TOX3: variants seen among roughly 807,000 people sequenced by gnomAD.
TOX3 encodes TOX high mobility group box family member 3, also known as CAG trinucleotide repeat-containing gene F9 protein.
Under a neutral mutation model 64.3 loss-of-function variants are expected in TOX3, and 22 were observed. That is an observed-to-expected ratio of 0.34 (90% CI 0.24 to 0.49). TOX3 has a LOEUF of 0.49. TOX3 is among the 20% of genes least tolerant of loss of function. The probability of loss-of-function intolerance (pLI) is 0.99; values close to 1 mark genes in which losing one functional copy is unlikely to be tolerated. For synonymous variants in TOX3, 291 were observed against 273.6 expected (o/e 1.06, Z -0.63); for missense variants, 661 against 714.4 (o/e 0.93, Z 0.85).
chr16:52,490,309 A>G (rs979883865), intron 1 of TOX3, among the ~76,000 whole-genome samples: 1 of 152,080 alleles, frequency 6.6e-6, no homozygotes, highest in Non-Finnish European at 1.5e-5. Flanking sequence ...CCTCCCAGTC[A>G]TGCTTCCTGT....
At chr16:52,490,722 T>C (rs983431914) in intron 1 of TOX3, among the ~76,000 whole-genome samples, 5 of 148,656 alleles carry the variant, frequency 3.4e-5, no homozygotes, top group African/African-American at 1.2e-4. Flanking sequence ...CTTAGCTTCC[T>C]GGACTCAACC....
intron 1 of TOX3, among the ~76,000 whole-genome samples, chr16:52,499,787 G>C (rs1478497861): frequency 6.6e-6 from 1 of 152,206 alleles, no homozygotes. Flanking sequence ...GCAGGCAGAG[G>C]GTGAACACAG....
At chr16:52,533,010 G>A (rs554136066) in intron 1 of TOX3, among the ~76,000 whole-genome samples, 1 of 152,318 alleles carries the variant, frequency 6.6e-6, no homozygotes, top group African/African-American at 2.4e-5. Flanking sequence ...AGAAGAGTGA[G>A]AAGACAGTGT....
At chr16:52,487,035 TA>T (rs1248634358) in intron 1 of TOX3, among the ~76,000 whole-genome samples, 1 of 152,172 alleles carries the variant, frequency 6.6e-6, no homozygotes, top group Non-Finnish European at 1.5e-5. Context: ...ATTATGCCCC[TA>T]GCATATAAAT....
At chr16:52,521,899 C>A (rs1169307861) in intron 1 of TOX3, among the ~76,000 whole-genome samples, 1 of 152,216 alleles carries the variant, frequency 6.6e-6, no homozygotes, top group Non-Finnish European at 1.5e-5. Context: ...GGGTAACGAG[C>A]ACAGTCTCTG....
intron 1 of TOX3, among the ~76,000 whole-genome samples, chr16:52,527,709 A>C (rs1962755243): frequency 1.3e-5 from 2 of 152,178 alleles, no homozygotes; most frequent in African/African-American, 4.8e-5. Context: ...ACAATGATGG[A>C]GGCTCCTTTT....
chr16:52,511,225 G>C (rs957856663), intron 1 of TOX3, among the ~76,000 whole-genome samples: 1 of 152,174 alleles, frequency 6.6e-6, no homozygotes, highest in East Asian at 1.9e-4. Flanking sequence ...TGGGCACGGT[G>C]ACTCATGCCT....
In TOX3 at chr16:52,535,625, G is replaced by A. The variant is rs34750829; in HGVS notation, c.87+11012C>T. Among the ~76,000 whole-genome samples, 1,021 of 152,280 alleles carry A rather than the reference G, an allele frequency of 6.7e-3. 8 individuals are homozygous for A. Among genetic ancestry groups the A allele is most frequent in the Non-Finnish European group, 0.01 (703 of 68,030 alleles). On this transcript the variant is annotated intron_variant, in intron 1 of 6. Coordinates refer to ENST00000219746, the MANE Select transcript of TOX3 (RefSeq NM_001080430.4). ...CTTCATTTAAGACGTTGCTGTTCAA[G>A]ATTTTTTCTATTACATGTAAGTTGA...
intron 1 of TOX3, among the ~76,000 whole-genome samples, chr16:52,489,914 T>G (rs1961629688): frequency 6.6e-6 from 1 of 152,202 alleles, no homozygotes; most frequent in African/African-American, 2.4e-5. Context: ...ATCTTTCTAA[T>G]GGTACCAGCA....
intron 3 of TOX3, among the ~76,000 whole-genome samples, chr16:52,456,197 A>G (rs531577062): frequency 1.3e-5 from 2 of 152,338 alleles, no homozygotes; most frequent in East Asian, 3.9e-4. Context: ...AAAGCATGGT[A>G]TATATCTGGT....
At chr16:52,498,107 C>T (rs996354725) in intron 1 of TOX3, among the ~76,000 whole-genome samples, 28 of 152,268 alleles carry the variant, frequency 1.8e-4, no homozygotes, top group African/African-American at 6.5e-4. Flanking sequence ...ATTTCTACCC[C>T]GCCAGCTGCT....
chr16:52,483,170 C>T (rs1208046186), intron 1 of TOX3, among the ~76,000 whole-genome samples: 1 of 152,140 alleles, frequency 6.6e-6, no homozygotes, highest in Non-Finnish European at 1.5e-5. Context: ...AACAACGACG[C>T]ACATCACCCA....
rs67145443 is a variant in TOX3 at position 52,437,789 on chromosome 16, T to TAAAAAAAAAAAAAAAAAAAAAAAAAA, written c.*1435_*1436insTTTTTTTTTTTTTTTTTTTTTTTTTT. Among the ~76,000 whole-genome samples, 1 of 111,368 alleles carries TAAAAAAAAAAAAAAAAAAAAAAAAAA rather than the reference T, an allele frequency of 9.0e-6. No homozygotes were observed. Among genetic ancestry groups the TAAAAAAAAAAAAAAAAAAAAAAAAAA allele is most frequent in the Non-Finnish European group, 1.8e-5 (1 of 54,784 alleles). 73.1% of individuals were successfully genotyped at this position (111,368 alleles called of 152,430 possible). A position where few individuals can be genotyped will look rare whatever the true frequency, so the allele number is the denominator to read the frequency against. The stretch of plus-strand genomic sequence containing the variant: ...CTATACTTACCTTGTACTTGCATCT[T>TAAAAAAAAAAAAAAAAAAAAAAAAAA]AAAAAAAAAAAAAAAAAAAAAAAAG... On this transcript the variant is annotated 3_prime_UTR_variant, in exon 7 of 7. Transcript: ENST00000219746.
At position 52,496,053 on chromosome 16, in the gene TOX3, C is replaced by T. The variant is rs575091041; in HGVS notation, c.88-27479G>A. 3.0e-4 allele frequency among the ~76,000 whole-genome samples: 45 copies of T among 152,238 alleles called. No homozygotes were observed. The South Asian group carries it at 6.4e-3, about 22-fold the overall frequency. Reference sequence around the variant, plus strand: ...ATCAGTTTCTCTCATTCTTTCCTAACTAAAGACTTAAAAGCCAAATAAAAT... The same window carrying T: ...ATCAGTTTCTCTCATTCTTTCCTAATTAAAGACTTAAAAGCCAAATAAAAT... On this transcript the variant is annotated intron_variant, in intron 1 of 6. Coordinates refer to ENST00000219746, the MANE Select transcript of TOX3 (RefSeq NM_001080430.4).
chr16:52,488,407 T>C (rs1188432933), intron 1 of TOX3, among the ~76,000 whole-genome samples: 1 of 152,174 alleles, frequency 6.6e-6, no homozygotes, highest in Non-Finnish European at 1.5e-5. Flanking sequence ...TAATTCTTCC[T>C]CTGCTCCATC....
chr16:52,441,912 A>G (rs1160366027), intron 6 of TOX3, among the ~76,000 whole-genome samples: 1 of 152,256 alleles, frequency 6.6e-6, no homozygotes, highest in Non-Finnish European at 1.5e-5. Flanking sequence ...GAAGCAGCCT[A>G]TAAATATTCA....
chr16:52,543,366 C>T (rs1963114517), intron 1 of TOX3, among the ~76,000 whole-genome samples: 2 of 152,166 alleles, frequency 1.3e-5, no homozygotes, highest in African/African-American at 4.8e-5. Flanking sequence ...ACTGTCACAT[C>T]AGTGCTCTAA....
intron 1 of TOX3, among the ~76,000 whole-genome samples, chr16:52,504,482 A>AAG (rs1387093559): frequency 2.0e-5 from 3 of 151,694 alleles, no homozygotes; most frequent in Non-Finnish European, 2.9e-5. Flanking sequence ...AAAAAAAAAA[A>AAG]AAGAAGTTCA....
intron 1 of TOX3, among the ~76,000 whole-genome samples, chr16:52,487,926 T>C (rs1320295271): frequency 6.6e-6 from 1 of 152,152 alleles, no homozygotes; most frequent in Admixed American, 6.6e-5. Flanking sequence ...AAAGCAAATT[T>C]TCCCCCACAA....
Sources: gnomAD v4.1 joint callset for allele counts (sites outside exome capture counted in the v4.1 genomes callset) on GRCh38, gnomAD v4.1.1 for gene constraint, MANE v1.5 for transcripts, NCBI Gene and HGNC (gene_info 2026-07-23, HGNC 2026-07-21) for gene names.